Variants in BCL2L13 observed in about 807,000 individuals in gnomAD.
The protein encoded by BCL2L13 is BCL2 like 13, also known as bcl-2-like protein 13.
In BCL2L13, 13 loss-of-function variants were observed where a neutral mutation model predicts 25.8. The observed-to-expected ratio is 0.50, with a 90% CI of 0.33 to 0.80. BCL2L13 has a LOEUF of 0.80. Among genes scored for constraint, BCL2L13 ranks in the 30% least tolerant of loss-of-function variants. BCL2L13 has a pLI of 0.02. For synonymous variants in BCL2L13, 244 were observed against 230.3 expected, an observed-to-expected ratio of 1.06 and a Z score of -0.54; for missense variants, 504 against 574.9, an observed-to-expected ratio of 0.88 and a Z score of 1.26.
chr22:17,708,599 C>A (rs1264429844), intron 6 of BCL2L13, among the ~76,000 whole-genome samples: 2 of 152,122 alleles, frequency 1.3e-5, no homozygotes, highest in Non-Finnish European at 2.9e-5. Context: ...GGACCTTGGG[C>A]AAGTTACTCA....
intron 1 of BCL2L13, among the ~76,000 whole-genome samples, chr22:17,642,942 C>T (rs988067303): frequency 8.3e-4 from 126 of 152,130 alleles, no homozygotes; most frequent in African/African-American, 2.7e-3. Context: ...TGTGCAGATG[C>T]GTTTTCATTT....
chr22:17,714,021 C>T (rs914500432), intron 6 of BCL2L13, among the ~76,000 whole-genome samples: 6 of 151,752 alleles, frequency 4.0e-5, no homozygotes, highest in East Asian at 2.0e-4. Context: ...TGGCTGGGCG[C>T]GGAGGCTCAC....
At chr22:17,702,146 A>AT (rs1223972804) in intron 5 of BCL2L13, 97 bp from the exon 6 acceptor site, 1 of 950,802 alleles carries the variant, frequency 1.1e-6, no homozygotes, top group East Asian at 2.7e-5. Context: ...AAATACCTTA[A>AT]TGATGCATTT....
At chr22:17,688,323 A>G (rs114035038) in intron 3 of BCL2L13, among the ~76,000 whole-genome samples, 3,615 of 152,298 alleles carry the variant, frequency 0.024, 136 homozygotes, top group African/African-American at 0.083. Flanking sequence ...ATCCATGTGT[A>G]GTAATATTAA....
intron 6 of BCL2L13, among the ~76,000 whole-genome samples, chr22:17,708,129 T>A (rs2060643111): frequency 6.6e-6 from 1 of 152,194 alleles, no homozygotes; most frequent in African/African-American, 2.4e-5. Flanking sequence ...TATTTTGTTA[T>A]ATTCCTTTTA....
At chr22:17,699,835 G>A (rs2060378636) in intron 5 of BCL2L13, among the ~76,000 whole-genome samples, 1 of 152,090 alleles carries the variant, frequency 6.6e-6, no homozygotes, top group Admixed American at 6.6e-5. Flanking sequence ...GTTGATGGAG[G>A]TCAGTTGTAG....
At chr22:17,695,724 C>T (rs1601697556) in intron 4 of BCL2L13, 1 of 153,156 alleles carries the variant, frequency 6.5e-6, no homozygotes, top group Admixed American at 6.5e-5. Flanking sequence ...AGTGACATGT[C>T]TCTTTAGTTT....
intron 1 of BCL2L13, among the ~76,000 whole-genome samples, chr22:17,639,670 G>A (rs1476536030): frequency 6.6e-6 from 1 of 152,146 alleles, no homozygotes; most frequent in Non-Finnish European, 1.5e-5. Context: ...TTAGAAGTTT[G>A]AACTAAGCTG....
intron 6 of BCL2L13, among the ~76,000 whole-genome samples, chr22:17,710,710 A>T (rs370245401): frequency 6.6e-5 from 10 of 152,070 alleles, no homozygotes; most frequent in Admixed American, 3.3e-4. Context: ...CCCCGTCTCT[A>T]CTAAAAATAC....
chr22:17,693,368 GTTTGT>G (rs1568981752), intron 4 of BCL2L13, among the ~76,000 whole-genome samples: 1 of 112,244 alleles, frequency 8.9e-6, no homozygotes, highest in South Asian at 2.7e-4. Flanking sequence ...TTTATTTAGT[GTTTGT>G]TTTTTTTTTT....
chr22:17,695,917 C>T (rs1433409431), intron 4 of BCL2L13: 1 of 416,730 alleles, frequency 2.4e-6, no homozygotes, highest in South Asian at 4.3e-5. Context: ...ATACATTTAT[C>T]TTGCTATGTT....
intron 2 of BCL2L13, among the ~76,000 whole-genome samples, chr22:17,681,472 C>T (rs1451182433): frequency 6.6e-6 from 1 of 150,658 alleles, no homozygotes; most frequent in East Asian, 1.9e-4. Context: ...GTACTCCAGC[C>T]TGGGGGACAG....
intron 1 of BCL2L13, among the ~76,000 whole-genome samples, chr22:17,646,370 C>T (rs1470173866): frequency 6.6e-6 from 1 of 151,370 alleles, no homozygotes; most frequent in Non-Finnish European, 1.5e-5. Context: ...TCTCAGCCTC[C>T]TGAGTAGCTG....
chr22:17,640,989 C>T (rs1213908478), intron 1 of BCL2L13, among the ~76,000 whole-genome samples: 1 of 151,336 alleles, frequency 6.6e-6, no homozygotes, highest in Non-Finnish European at 1.5e-5. Context: ...CTCCTGAGTT[C>T]ACACCATTCT....
chr22:17,716,387 T>C (rs1224099559), intron 6 of BCL2L13, among the ~76,000 whole-genome samples: 1 of 152,198 alleles, frequency 6.6e-6, no homozygotes, highest in African/African-American at 2.4e-5. Flanking sequence ...TCCCCTAAAA[T>C]GTTAATACCA....
rs2061372252 is a variant in BCL2L13 at position 17,729,780 on chromosome 22, T to C, written c.*2246T>C. On this transcript the variant is annotated 3_prime_UTR_variant, in exon 7 of 7. Transcript: ENST00000317582. ...TGTATTTCACGGTAATGGAACTAGA[T>C]AGTGTTTTCCATTGGCTTTCTCTGG... The C allele has an allele frequency of 6.6e-6, 1 of 152,218 alleles. No homozygotes were observed. The highest frequency in any genetic ancestry group is 2.1e-4 in the South Asian group (1 of 4,834). The allele number at this position is 152,218 out of a possible 1,614,324, so 9.4% of individuals were successfully genotyped here. A position where few individuals can be genotyped will look rare whatever the true frequency, so the allele number is the denominator to read the frequency against.
intron 2 of BCL2L13, among the ~76,000 whole-genome samples, chr22:17,669,820 ATACTCTGTG>A (rs2059360023): frequency 6.6e-6 from 1 of 152,166 alleles, no homozygotes; most frequent in Non-Finnish European, 1.5e-5. Context: ...TCGCCATGTA[ATACTCTGTG>A]CTGCCTCGGG....
intron 6 of BCL2L13, among the ~76,000 whole-genome samples, chr22:17,724,827 T>C (rs962582755): frequency 6.6e-6 from 1 of 152,366 alleles, no homozygotes; most frequent in East Asian, 1.9e-4. Flanking sequence ...GACATTCCAT[T>C]CCATTGGTTC....
At chr22:17,645,948 TTAATGGCATTTACATTGTCTTAGG>T (rs1385419063) in intron 1 of BCL2L13, among the ~76,000 whole-genome samples, 1 of 151,520 alleles carries the variant, frequency 6.6e-6, no homozygotes, top group Non-Finnish European at 1.5e-5. Context: ...TAACAGCTAT[TTAATGGCATTTACATTGTCTTAGG>T]TATTATAAGT....
Sources: gnomAD v4.1 joint callset for allele counts (sites outside exome capture counted in the v4.1 genomes callset) on GRCh38, gnomAD v4.1.1 for gene constraint, MANE v1.5 for transcripts, NCBI Gene and HGNC (gene_info 2026-07-23, HGNC 2026-07-21) for gene names.